Variants in NECTIN2 observed in about 807,000 individuals in gnomAD.
NECTIN2 encodes the protein nectin cell adhesion molecule 2, also known as nectin-2.
A neutral mutation model predicts 56.9 loss-of-function variants in NECTIN2; 23 were observed. That is an observed-to-expected ratio of 0.40 (90% CI 0.29 to 0.57). The LOEUF (loss-of-function observed/expected upper bound fraction) is 0.57. Ranked by LOEUF, NECTIN2 falls within the 20% of genes least tolerant of loss-of-function variation. The pLI is 0.38. For synonymous variants in NECTIN2, 302 were observed against 313.8 expected (o/e 0.96, Z 0.40); for missense variants, 587 against 718.3 (o/e 0.82, Z 2.09).
At chr19:44,868,359 A>C (rs1338936963) in intron 2 of NECTIN2, among the ~76,000 whole-genome samples, 1 of 151,714 alleles carries the variant, frequency 6.6e-6, no homozygotes, top group Non-Finnish European at 1.5e-5. Flanking sequence ...CTCAAAAAAA[A>C]AAAAAAAAAA....
intron 1 of NECTIN2, among the ~76,000 whole-genome samples, chr19:44,849,629 G>A (rs867862789): frequency 1.3e-5 from 2 of 152,126 alleles, no homozygotes; most frequent in African/African-American, 4.8e-5. Context: ...CAGAAATATG[G>A]GGAGACAGGG....
At chr19:44,867,105 G>A (rs532745606) in intron 2 of NECTIN2, among the ~76,000 whole-genome samples, 229 of 151,384 alleles carry the variant, frequency 1.5e-3, no homozygotes, top group African/African-American at 5.2e-3. Context: ...TGCAACCTCC[G>A]CCTCCCAGGT....
At chr19:44,858,469 C>T (rs1280702926) in intron 1 of NECTIN2, among the ~76,000 whole-genome samples, 2 of 151,974 alleles carry the variant, frequency 1.3e-5, no homozygotes, top group Non-Finnish European at 2.9e-5. Flanking sequence ...AATACAGGGG[C>T]CCGCCACCAC....
chr19:44,886,669 C>G (rs1969364933), intron 8 of NECTIN2, among the ~76,000 whole-genome samples: 1 of 152,016 alleles, frequency 6.6e-6, no homozygotes, highest in African/African-American at 2.4e-5. Context: ...TTACAGTGAG[C>G]TAAGATCACA....
chr19:44,846,478 A>C lies in NECTIN2; in HGVS notation c.-48A>C. ...CCGCCCAGCCGATCGGCCCCCACAG[A>C]GTGGCCCGCGGGCCTCCGGCCGGGC... On this transcript the variant is annotated 5_prime_UTR_variant, in exon 1 of 9. Coordinates refer to ENST00000252483, the MANE Select transcript of NECTIN2 (RefSeq NM_001042724.2). 7.0e-7 allele frequency: 1 copy of C among 1,418,522 alleles called. No individual in the cohort carries two copies. Among genetic ancestry groups the C allele is most frequent in the East Asian group, 2.9e-5 (1 of 34,694 alleles). The allele number at this position is 1,418,522 out of a possible 1,614,324, so 87.9% of individuals were successfully genotyped here. A position where few individuals can be genotyped will look rare whatever the true frequency, so the allele number is the denominator to read the frequency against.
intron 8 of NECTIN2, 119 bp downstream of exon 8, chr19:44,886,338 C>T (rs1973892348): frequency 8.9e-6 from 7 of 789,062 alleles, no homozygotes; most frequent in South Asian, 5.1e-5. Context: ...GGTGTGTCCC[C>T]GGTTGGTGCT....
At chr19:44,869,243 G>C (rs1383074337) in intron 2 of NECTIN2, among the ~76,000 whole-genome samples, 1 of 151,916 alleles carries the variant, frequency 6.6e-6, no homozygotes, top group Non-Finnish European at 1.5e-5. Context: ...GAGGCTGAGA[G>C]GCAACAAGAG....
intron 2 of NECTIN2, among the ~76,000 whole-genome samples, chr19:44,868,547 C>T (rs1568593245): frequency 6.7e-6 from 1 of 149,550 alleles, no homozygotes; most frequent in Non-Finnish European, 1.5e-5. Flanking sequence ...CTCAGGGGAT[C>T]CTCCTACCTC....
intron 1 of NECTIN2, among the ~76,000 whole-genome samples, chr19:44,862,515 A>G (rs143785649): frequency 6.6e-6 from 1 of 152,132 alleles, no homozygotes; most frequent in Non-Finnish European, 1.5e-5. Context: ...ATGGAATACT[A>G]CACAGCCATA....
At position 44,874,922 on chromosome 19, in the gene NECTIN2, C is replaced by T. The variant is rs188611705; in HGVS notation, c.1042+444C>T. On this transcript the variant is annotated intron_variant, in intron 5 of 8. Transcript: ENST00000252483. This position sits in a 1 kb window ranked among gnomAD's most constrained non-coding sequence, Gnocchi z 6.3. ...GAGGAAAAGCACAAAGCCAGACCAT[C>T]ACCCAGTGATGGAAACTGGGTCAAA... 2.0e-5 allele frequency among the ~76,000 whole-genome samples: 3 copies of T among 152,280 alleles called. No homozygotes were observed. Among genetic ancestry groups the T allele is most frequent in the East Asian group, 1.9e-4 (1 of 5,174 alleles).
chr19:44,877,066 C>T (rs759144238), intron 5 of NECTIN2, among the ~76,000 whole-genome samples: 51 of 152,094 alleles, frequency 3.4e-4, no homozygotes, highest in Non-Finnish European at 4.4e-4. Context: ...ACATATATAC[C>T]ACCCTACCCC....
In NECTIN2 at chr19:44,849,399, G is replaced by A. The variant is rs1042949310; in HGVS notation, c.88+2786G>A. 2.6e-5 allele frequency among the ~76,000 whole-genome samples: 4 copies of A among 152,106 alleles called. 1 individual carries two copies. The highest frequency in any genetic ancestry group is 4.8e-5 in the African/African-American group (2 of 41,428). Reference sequence around the variant, plus strand: ...GGACAGCAGAGGTGCCGTGACCCACGGAGGTCAGGGTACAGGGGGCCTCAA... The same window carrying A: ...GGACAGCAGAGGTGCCGTGACCCACAGAGGTCAGGGTACAGGGGGCCTCAA... On this transcript the variant is annotated intron_variant, in intron 1 of 8. Coordinates refer to ENST00000252483, the MANE Select transcript of NECTIN2 (RefSeq NM_001042724.2).
intron 8 of NECTIN2, among the ~76,000 whole-genome samples, chr19:44,886,588 G>A (rs1969363700): frequency 6.6e-6 from 1 of 151,978 alleles, no homozygotes; most frequent in African/African-American, 2.4e-5. Context: ...TGGGTGTGGT[G>A]GTGCGAGCCT....
In NECTIN2 at chr19:44,888,190, C is replaced by A. The variant is rs1969382155; in HGVS notation, c.1428C>A (p.Ser476=). 1 of 1,614,038 alleles carries A rather than the reference C, an allele frequency of 6.2e-7. No individual in the cohort carries two copies. Among genetic ancestry groups the A allele is most frequent in the South Asian group, 1.1e-5 (1 of 91,092 alleles). The change falls in exon 9 of 9, where the codon TCC becomes TCA. Residue 476 remains serine (S), a synonymous_variant. Transcript: ENST00000252483. ...ACCCTGGAGCCACAAGCCTGGGGTC[C>A]CCCATCCCGGTGCCTCCAGGGCCAC... ...PLHPGATSLG[S]PIPVPPGPPA...
rs750078164 is a variant in NECTIN2, at chr19:44,874,008, G to C, written c.868G>C (p.Glu290Gln). 3.7e-6 allele frequency: 6 copies of C among 1,613,780 alleles called. No homozygotes were observed. The highest frequency in any genetic ancestry group is 5.1e-6 in the Non-Finnish European group (6 of 1,179,918). Reference sequence around the variant, plus strand: ...GAGCTGTGACGTCCGCAGCAACCCAGAGCCCACGGGCTATGACTGGAGCAC... The same window carrying C: ...GAGCTGTGACGTCCGCAGCAACCCACAGCCCACGGGCTATGACTGGAGCAC... ...TLSCDVRSNP[E>Q]PTGYDWSTTS... Residue 290 changes from glutamate (E) to glutamine (Q), a missense_variant, in exon 4 of 9, where the codon GAG becomes CAG. Glu to Gln is a conservative substitution (Grantham distance 29, BLOSUM62 2). Transcript: ENST00000252483. This position sits in a 1 kb window ranked among gnomAD's most constrained non-coding sequence, Gnocchi z 6.3.
chr19:44,862,974 C>G (rs1381746430), intron 1 of NECTIN2, among the ~76,000 whole-genome samples: 1 of 143,180 alleles, frequency 7.0e-6, no homozygotes, highest in African/African-American at 2.6e-5. Context: ...TGGTGAAACC[C>G]CGTCTCTACT....
At position 44,848,680 on chromosome 19, in the gene NECTIN2, T is replaced by TCC. The variant is rs1968866084; in HGVS notation, c.88+2070_88+2071dup. ...TGCTCGCTCTCCCTCTCTCTCTCTC[T>TCC]CCCCTCCCCCTCCCTGTTTTCCTCC... On this transcript the variant is annotated intron_variant, in intron 1 of 8. Coordinates refer to ENST00000252483, the MANE Select transcript of NECTIN2 (RefSeq NM_001042724.2). 3.4e-5 allele frequency among the ~76,000 whole-genome samples: 5 copies of TCC among 148,770 alleles called. No individual in the cohort carries two copies. In the South Asian group the frequency reaches 8.6e-4, roughly 25 times the overall value.
intron 1 of NECTIN2, among the ~76,000 whole-genome samples, chr19:44,854,140 C>T (rs1568587109): frequency 1.3e-5 from 2 of 152,084 alleles, no homozygotes; most frequent in Non-Finnish European, 2.9e-5. Flanking sequence ...AGTCCTCACT[C>T]TGTCACCCAG....
At chr19:44,877,109 A>G (rs147010354) in intron 5 of NECTIN2, among the ~76,000 whole-genome samples, 1 of 152,168 alleles carries the variant, frequency 6.6e-6, no homozygotes, top group Non-Finnish European at 1.5e-5. Context: ...CCTTTTTTTA[A>G]TGCTATTTGT....
Sources: allele counts gnomAD v4.1 joint callset (sites outside exome capture counted in the v4.1 genomes callset), GRCh38; gene constraint gnomAD v4.1.1; non-coding constraint Gnocchi (gnomAD v3.1); transcripts MANE v1.5; gene names NCBI Gene and HGNC (gene_info 2026-07-23, HGNC 2026-07-21).